Variants in FBXL2 observed in about 807,000 individuals in gnomAD.
FBXL2 encodes F-box/LRR-repeat protein 2.
A neutral mutation model predicts 69.2 loss-of-function variants in FBXL2; 38 were observed. That is an observed-to-expected ratio of 0.55 (90% confidence interval 0.42 to 0.72). The LOEUF (loss-of-function observed/expected upper bound fraction) is 0.72. Ranked by LOEUF, FBXL2 falls within the 30% of genes least tolerant of loss-of-function variation. The probability of loss-of-function intolerance (pLI) is 0.00; values close to 1 mark genes in which losing one functional copy is unlikely to be tolerated. For synonymous variants in FBXL2, 192 were observed against 201.3 expected (o/e 0.95, Z 0.39); for missense variants, 354 against 520.3 (o/e 0.68, Z 3.11).
intron 13 of FBXL2, chr3:33,382,514 A>C (rs1280158110): frequency 6.6e-6 from 1 of 152,194 alleles, no homozygotes; most frequent in Non-Finnish European, 1.5e-5. Context: ...TTCCTTATCC[A>C]TATTGTTACA....
At chr3:33,304,400 A>G (rs2036541567) in intron 2 of FBXL2, among the ~76,000 whole-genome samples, 1 of 152,128 alleles carries the variant, frequency 6.6e-6, no homozygotes, top group African/African-American at 2.4e-5. Flanking sequence ...TAACTTCGTA[A>G]AAAAAGTATA....
chr3:33,301,176 A>G (rs2036260501), intron 2 of FBXL2, among the ~76,000 whole-genome samples: 1 of 151,916 alleles, frequency 6.6e-6, no homozygotes, highest in African/African-American at 2.4e-5. Flanking sequence ...TTCATTGTCT[A>G]CCCTTGGCTT....
chr3:33,376,006 A>C (rs2042609727), intron 10 of FBXL2, among the ~76,000 whole-genome samples: 1 of 152,082 alleles, frequency 6.6e-6, no homozygotes. Flanking sequence ...AAAATACAAA[A>C]ATTAGTCTGG....
At chr3:33,418,788 G>A in the FBXL2 span, among the ~76,000 whole-genome samples, 1 of 150,522 alleles carries the variant, frequency 6.6e-6, no homozygotes, top group Non-Finnish European at 1.5e-5. Flanking sequence ...GAACCTGGGA[G>A]GCGGAGGTTG....
the FBXL2 span, chr3:33,412,795 C>T: frequency 1.2e-6 from 2 of 1,614,002 alleles, no homozygotes; most frequent in Non-Finnish European, 1.7e-6. Context: ...TGTATTGTAG[C>T]CGTCTGTCAT....
At chr3:33,341,714 C>T (rs1025004177) in intron 2 of FBXL2, among the ~76,000 whole-genome samples, 3 of 151,228 alleles carry the variant, frequency 2.0e-5, no homozygotes, top group Non-Finnish European at 4.4e-5. Flanking sequence ...CCTGTAATTC[C>T]AGCTACTGGA....
intron 2 of FBXL2, among the ~76,000 whole-genome samples, chr3:33,314,590 A>C (rs558957909): frequency 1.3e-5 from 2 of 152,186 alleles, no homozygotes; most frequent in African/African-American, 4.8e-5. Context: ...ATTGAACTCT[A>C]CTTTTCTTGG....
chr3:33,409,064 C>G, the FBXL2 span, among the ~76,000 whole-genome samples: 1 of 152,156 alleles, frequency 6.6e-6, no homozygotes, highest in Non-Finnish European at 1.5e-5. Context: ...ACCCAGGAAA[C>G]AGTCTATCAA....
At chr3:33,358,940 T>G in intron 2 of FBXL2, 27 bp from the exon 3 acceptor site, 1 of 1,441,878 alleles carries the variant, frequency 6.9e-7, no homozygotes, top group Non-Finnish European at 9.4e-7. Context: ...ACCATCTCGT[T>G]TTTGTGTTTT....
At chr3:33,345,962 C>T (rs1340020433) in intron 2 of FBXL2, among the ~76,000 whole-genome samples, 2 of 152,124 alleles carry the variant, frequency 1.3e-5, no homozygotes, top group African/African-American at 4.8e-5. Flanking sequence ...TGTGGTGGCT[C>T]ATGCCTGTAA....
intron 2 of FBXL2, among the ~76,000 whole-genome samples, chr3:33,307,224 C>T (rs1045564204): frequency 2.0e-5 from 3 of 152,048 alleles, no homozygotes; most frequent in Non-Finnish European, 2.9e-5. Flanking sequence ...CCTGCTCATG[C>T]GATGTAGAGC....
chr3:33,402,632 G>A (rs1184276026), intron 12 of FBXL2, among the ~76,000 whole-genome samples: 1 of 152,198 alleles, frequency 6.6e-6, no homozygotes, highest in Non-Finnish European at 1.5e-5. Context: ...AGGCTGGTAG[G>A]TGAAGAAAAG....
chr3:33,309,339 T>C (rs1258034736), intron 2 of FBXL2, among the ~76,000 whole-genome samples: 1 of 152,248 alleles, frequency 6.6e-6, no homozygotes, highest in Non-Finnish European at 1.5e-5. Flanking sequence ...TATTGATGAA[T>C]TGATCCCCTT....
At chr3:33,419,412 G>A in the FBXL2 span, among the ~76,000 whole-genome samples, 3 of 152,072 alleles carry the variant, frequency 2.0e-5, no homozygotes, top group Admixed American at 6.5e-5. Context: ...GGCGGATCAC[G>A]AGGTCAGGAG....
intron 2 of FBXL2, among the ~76,000 whole-genome samples, chr3:33,348,644 G>A (rs1014697139): frequency 7.2e-5 from 11 of 151,894 alleles, no homozygotes; most frequent in African/African-American, 2.7e-4. Context: ...TTAAACCCAG[G>A]AGACAGAAGT....
chr3:33,396,707 G>C, intron 12 of FBXL2: 1 of 513,168 alleles, frequency 1.9e-6, no homozygotes. Flanking sequence ...TTTAGTAATA[G>C]TCATGACCTT....
the FBXL2 span, chr3:33,411,657 G>C: frequency 7.4e-6 from 12 of 1,613,952 alleles, no homozygotes; most frequent in Non-Finnish European, 9.3e-6. Context: ...ATTCGTCCTT[G>C]TGTCAATTAT....
intron 5 of FBXL2, 136 bp downstream of exon 5, chr3:33,364,855 A>G (rs2041851195): frequency 1.3e-6 from 1 of 786,114 alleles, no homozygotes; most frequent in Non-Finnish European, 2.1e-6. Context: ...TGAGAGGACC[A>G]GGACTTTGGA....
intron 12 of FBXL2, among the ~76,000 whole-genome samples, chr3:33,402,016 G>A (rs1289718899): frequency 6.6e-6 from 1 of 152,170 alleles, no homozygotes; most frequent in Non-Finnish European, 1.5e-5. Flanking sequence ...CAGGGGGAGA[G>A]CACATTTTTG....
Sources: allele counts gnomAD v4.1 joint callset (sites outside exome capture counted in the v4.1 genomes callset), GRCh38; gene constraint gnomAD v4.1.1; transcripts MANE v1.5; gene names NCBI Gene and HGNC (gene_info 2026-07-23, HGNC 2026-07-21).